Variants in SLC36A1 observed in about 807,000 individuals in gnomAD.
The protein encoded by SLC36A1 is proton-coupled amino acid transporter 1.
SLC36A1 carries 30 observed loss-of-function variants against 47.5 expected under a neutral mutation model. The observed-to-expected ratio is 0.63, with a 90% CI of 0.47 to 0.86. The LOEUF (loss-of-function observed/expected upper bound fraction) is 0.86. SLC36A1 is among the 40% of genes least tolerant of loss of function. The pLI, the probability that SLC36A1 is intolerant of heterozygous loss-of-function variation, is 0.00. For missense variants in SLC36A1, 517 were observed against 606.0 expected, an observed-to-expected ratio of 0.85 and a Z score of 1.54; for synonymous variants, 255 against 249.7, an observed-to-expected ratio of 1.02 and a Z score of -0.20.
At chr5:151,470,773 C>G (rs550720219) in intron 7 of SLC36A1, 1 of 152,326 alleles carries the variant, frequency 6.6e-6, no homozygotes, top group East Asian at 1.9e-4. Context: ...AATTTTTTCC[C>G]TAATCCTAAG....
the SLC36A1 span, among the ~76,000 whole-genome samples, chr5:151,416,882 T>G: frequency 1.3e-5 from 2 of 152,212 alleles, no homozygotes; most frequent in Non-Finnish European, 2.9e-5. Context: ...ATTTCCCCCA[T>G]GCTGTTCTCA....
At chr5:151,544,762 A>G in the SLC36A1 span, 1 of 1,614,230 alleles carries the variant, frequency 6.2e-7, no homozygotes, top group Non-Finnish European at 8.5e-7. Context: ...TATGTCCCCA[A>G]GATAGGGGTC....
At chr5:151,417,076 C>G in the SLC36A1 span, among the ~76,000 whole-genome samples, 2 of 152,192 alleles carry the variant, frequency 1.3e-5, no homozygotes, top group East Asian at 3.8e-4. Context: ...AATTAAACCT[C>G]TTTCCTTTAT....
At chr5:151,370,206 A>G in the SLC36A1 span, among the ~76,000 whole-genome samples, 6 of 152,252 alleles carry the variant, frequency 3.9e-5, no homozygotes, top group Non-Finnish European at 8.8e-5. Flanking sequence ...TATTGGAAGC[A>G]GATTATATCT....
downstream of SLC36A1, among the ~76,000 whole-genome samples, chr5:151,495,405 A>G (rs940960042): frequency 1.3e-5 from 2 of 152,138 alleles, no homozygotes; most frequent in Non-Finnish European, 2.9e-5. Flanking sequence ...GGTCCAGAGC[A>G]CTCTTCAGCT....
At chr5:151,393,111 G>T in the SLC36A1 span, among the ~76,000 whole-genome samples, 1 of 151,296 alleles carries the variant, frequency 6.6e-6, no homozygotes, top group African/African-American at 2.4e-5. Flanking sequence ...ATGTATTTAG[G>T]ATAGTTAGCT....
At chr5:151,383,853 G>A in the SLC36A1 span, among the ~76,000 whole-genome samples, 1 of 152,122 alleles carries the variant, frequency 6.6e-6, no homozygotes, top group Admixed American at 6.5e-5. Context: ...GATTACAGGC[G>A]TGAGCCACCG....
At chr5:151,400,229 G>T in the SLC36A1 span, among the ~76,000 whole-genome samples, 1 of 152,222 alleles carries the variant, frequency 6.6e-6, no homozygotes, top group South Asian at 2.1e-4. Context: ...CCAATGTTTA[G>T]CTCCCACTTA....
chr5:151,366,540 T>C, the SLC36A1 span: 1 of 269,384 alleles, frequency 3.7e-6, no homozygotes, highest in African/African-American at 2.3e-5. Flanking sequence ...TCATGCACTC[T>C]GAGTAGTAGG....
the SLC36A1 span, chr5:151,382,304 C>T: frequency 1.8e-6 from 2 of 1,136,078 alleles, no homozygotes; most frequent in South Asian, 2.5e-5. Context: ...TCAACCTGCA[C>T]AGTCGCCTCA....
chr5:151,408,845 T>G, the SLC36A1 span, among the ~76,000 whole-genome samples: 1 of 152,126 alleles, frequency 6.6e-6, no homozygotes, highest in African/African-American at 2.4e-5. Flanking sequence ...CTCCAGGATA[T>G]TTATAGCAAC....
chr5:151,358,817 C>CA, the SLC36A1 span, among the ~76,000 whole-genome samples: 130 of 150,974 alleles, frequency 8.6e-4, no homozygotes, highest in Non-Finnish European at 1.7e-3. Flanking sequence ...ACTAAAAATA[C>CA]AAAAAAATTA....
chr5:151,382,523 T>A, the SLC36A1 span: 1 of 487,376 alleles, frequency 2.1e-6, no homozygotes, highest in Non-Finnish European at 3.6e-6. Context: ...GCCAAATGAG[T>A]GCAAAGTGTG....
intron 10 of SLC36A1, among the ~76,000 whole-genome samples, chr5:151,486,257 A>G (rs165363): frequency 0.34 from 52,344 of 151,938 alleles, 10,811 homozygotes; most frequent in African/African-American, 0.59. Flanking sequence ...CAGCTCTCTC[A>G]GGGAGGGCCC....
At chr5:151,537,089 G>T in the SLC36A1 span, among the ~76,000 whole-genome samples, 1 of 151,976 alleles carries the variant, frequency 6.6e-6, no homozygotes, top group East Asian at 1.9e-4. Context: ...AAGATCCTCC[G>T]TAGCCAAAGT....
the SLC36A1 span, among the ~76,000 whole-genome samples, chr5:151,398,186 A>G: frequency 6.6e-6 from 1 of 152,210 alleles, no homozygotes; most frequent in African/African-American, 2.4e-5. Flanking sequence ...TTGAGTTAAC[A>G]GGAATCACCC....
the SLC36A1 span, among the ~76,000 whole-genome samples, chr5:151,549,706 C>T: frequency 6.6e-6 from 1 of 152,066 alleles, no homozygotes; most frequent in African/African-American, 2.4e-5. Flanking sequence ...TTCCTAGGCT[C>T]AGCTGTTTTA....
chr5:151,551,157 G>C, the SLC36A1 span, among the ~76,000 whole-genome samples: 1 of 152,202 alleles, frequency 6.6e-6, no homozygotes, highest in Non-Finnish European at 1.5e-5. Flanking sequence ...ACTGGCTGAA[G>C]CTAGAATAGA....
the SLC36A1 span, among the ~76,000 whole-genome samples, chr5:151,360,375 T>C: frequency 6.6e-6 from 1 of 152,228 alleles, no homozygotes; most frequent in African/African-American, 2.4e-5. Context: ...AAAGAAAATG[T>C]TACTAAGAGA....
Sources: gnomAD v4.1 joint callset for allele counts (sites outside exome capture counted in the v4.1 genomes callset) on GRCh38, gnomAD v4.1.1 for gene constraint, MANE v1.5 for transcripts, NCBI Gene and HGNC (gene_info 2026-07-23, HGNC 2026-07-21) for gene names.